Variants in CPLANE1 observed in about 807,000 individuals in gnomAD.
CPLANE1 encodes ciliogenesis and planar polarity effector complex subunit 1, also known as ciliogenesis and planar polarity effector 1.
A neutral mutation model predicts 362.5 loss-of-function variants in CPLANE1; 263 were observed. That is an observed-to-expected ratio of 0.73 (90% CI 0.66 to 0.80). The LOEUF is 0.80. Among genes scored for constraint, CPLANE1 ranks in the 30% least tolerant of loss-of-function variants. The probability of loss-of-function intolerance (pLI) is 0.00; values close to 1 mark genes in which losing one functional copy is unlikely to be tolerated. For missense variants in CPLANE1, 3,461 were observed against 3,793.4 expected (o/e 0.91, Z 2.30); for synonymous variants, 1,212 against 1,302.6 (o/e 0.93, Z 1.50).
chr5:37,185,286 A>C (rs1236198427), intron 24 of CPLANE1, among the ~76,000 whole-genome samples: 2 of 152,206 alleles, frequency 1.3e-5, no homozygotes, highest in African/African-American at 2.4e-5. Context: ...AGGTCCATTA[A>C]AGAACACAGT....
intron 41 of CPLANE1, among the ~76,000 whole-genome samples, chr5:37,155,906 T>G (rs140765500): frequency 6.6e-6 from 1 of 152,326 alleles, no homozygotes; most frequent in Non-Finnish European, 1.5e-5. Flanking sequence ...CCTTTCACTT[T>G]CCCACATACT....
chr5:37,106,702 G>A lies in CPLANE1; in HGVS notation c.*900C>T, dbSNP rs74867678. The A allele has an allele frequency of 9.3e-4, 356 of 382,662 alleles. No homozygotes were observed. The highest frequency in any genetic ancestry group is 7.4e-3 in the African/African-American group (337 of 45,764). 23.7% of individuals were successfully genotyped at this position (382,662 alleles called of 1,614,324 possible). ...CCATACCTGCTTCTGCATTCAACTT[G>A]CTGCAATACATGTTGTAAAACCTGG... On this transcript the variant is annotated 3_prime_UTR_variant, in exon 53 of 53. Transcript: ENST00000651892.
At chr5:37,116,976 C>T (rs1761199667) in intron 50 of CPLANE1, among the ~76,000 whole-genome samples, 1 of 152,114 alleles carries the variant, frequency 6.6e-6, no homozygotes, top group Admixed American at 6.6e-5. Flanking sequence ...ACAGAGGCCA[C>T]AAGAACAAGG....
the CPLANE1 span, among the ~76,000 whole-genome samples, chr5:37,089,761 T>G: frequency 6.6e-6 from 1 of 152,184 alleles, no homozygotes. Context: ...AGAGAAAAAT[T>G]CATTTACAAT....
intron 46 of CPLANE1, chr5:37,138,492 T>C (rs1485939634): frequency 3.1e-6 from 2 of 652,100 alleles, no homozygotes; most frequent in Admixed American, 1.8e-5. Context: ...ATTAAATGTA[T>C]GTTGTACTTA....
At chr5:37,111,506 T>C (rs759632833) in intron 51 of CPLANE1, among the ~76,000 whole-genome samples, 1 of 152,174 alleles carries the variant, frequency 6.6e-6, no homozygotes, top group African/African-American at 2.4e-5. Context: ...AAAATATGAA[T>C]AGATCTATTA....
chr5:37,204,449 CCATGTAATA>C (rs1489296313), intron 18 of CPLANE1, among the ~76,000 whole-genome samples: 1 of 152,060 alleles, frequency 6.6e-6, no homozygotes, highest in African/African-American at 2.4e-5. Context: ...CTGTGTGAAT[CCATGTAATA>C]CATGTAATAT....
rs141064546 is a variant in CPLANE1 at position 37,186,920 on chromosome 5, G to A, written c.4080+494C>T. On this transcript the variant is annotated intron_variant, in intron 23 of 52. Coordinates refer to ENST00000651892, the MANE Select transcript of CPLANE1 (RefSeq NM_001384732.1). ...TAAAAAAATACAAAAAATTAGCCGG[G>A]CGTGTTGGCGGGAGCCTGTGGTCCC... Among the ~76,000 whole-genome samples the A allele has an allele frequency of 3.3e-5, 5 of 151,900 alleles. No homozygotes were observed. The South Asian group carries it at 1.0e-3, about 32-fold the overall frequency.
Position 37,169,983 on chromosome 5 carries a change from G to C in CPLANE1, c.6462+58C>G, listed in dbSNP as rs1216663661. 4.6e-6 allele frequency: 7 copies of C among 1,537,640 alleles called. No homozygotes were observed. In the African/African-American group the frequency reaches 9.6e-5, roughly 21 times the overall value. ...CTCAGGTGTGGCCTGCCAAAGTGCTGGGATTACAGACATGAGCCACCGCGC... is the reference window on the plus strand; with the variant it reads ...CTCAGGTGTGGCCTGCCAAAGTGCTCGGATTACAGACATGAGCCACCGCGC... On this transcript the variant is annotated intron_variant, in intron 33 of 52. Transcript: ENST00000651892.
At chr5:37,105,913 C>T (rs1381457798), downstream of CPLANE1, among the ~76,000 whole-genome samples, 2 of 151,982 alleles carry the variant, frequency 1.3e-5, no homozygotes, top group African/African-American at 4.8e-5. Flanking sequence ...TGAAAAAATG[C>T]TCAATATTAC....
intron 44 of CPLANE1, chr5:37,139,868 T>C (rs1769132432): frequency 1.0e-6 from 1 of 985,644 alleles, no homozygotes; most frequent in Non-Finnish European, 1.2e-6. Context: ...ATTATTACTT[T>C]TTCTATCCTG....
At chr5:37,158,010 C>T in intron 39 of CPLANE1, 142 bp from the exon 40 acceptor site, 1 of 762,092 alleles carries the variant, frequency 1.3e-6, no homozygotes, top group Non-Finnish European at 2.0e-6. Context: ...CCTGAATGTG[C>T]CTAACTTAGG....
At chr5:37,205,193 C>T (rs1199254304) in intron 18 of CPLANE1, 122 bp downstream of exon 18, 2 of 621,238 alleles carry the variant, frequency 3.2e-6, no homozygotes, top group African/African-American at 1.9e-5. Flanking sequence ...AAATATCATA[C>T]TTTCATTTTT....
intron 16 of CPLANE1, chr5:37,211,031 A>G (rs976249602): frequency 6.2e-6 from 5 of 803,880 alleles, no homozygotes; most frequent in Non-Finnish European, 1.1e-5. Flanking sequence ...TAGAGAATGA[A>G]GTGTACTGCA....
chr5:37,108,057 C>G (rs1016621910), intron 52 of CPLANE1, among the ~76,000 whole-genome samples: 3 of 152,312 alleles, frequency 2.0e-5, no homozygotes, highest in Non-Finnish European at 4.4e-5. Context: ...TATGTTCTTA[C>G]ATTTTGGTCA....
rs1795326775 is a variant in CPLANE1, at chr5:37,221,397, T to A, written c.2673A>T (p.Gly891=). 1 of 1,538,246 alleles carries A rather than the reference T, an allele frequency of 6.5e-7. No individual in the cohort carries two copies. Among genetic ancestry groups the A allele is most frequent in the Non-Finnish European group, 8.8e-7 (1 of 1,141,012 alleles). ...LYSYNLNDAQ[G]LCDQLAREIL... ...TTTCTCTTGCTAGCTGATCACACAATCCTTGAGCATCATTTAAATTATAGC... is the reference window on the plus strand; with the variant it reads ...TTTCTCTTGCTAGCTGATCACACAAACCTTGAGCATCATTTAAATTATAGC... The change falls in exon 15 of 53, where the codon GGA becomes GGT. Residue 891 remains glycine (G), a synonymous_variant. Coordinates refer to ENST00000651892, the MANE Select transcript of CPLANE1 (RefSeq NM_001384732.1).
the CPLANE1 span, among the ~76,000 whole-genome samples, chr5:37,091,909 G>A: frequency 2.6e-5 from 4 of 152,270 alleles, no homozygotes; most frequent in South Asian, 2.1e-4. Flanking sequence ...CACAAGCCCC[G>A]GACGTCACCT....
intron 18 of CPLANE1, among the ~76,000 whole-genome samples, chr5:37,203,866 A>G (rs1789943570): frequency 6.6e-6 from 1 of 152,102 alleles, no homozygotes; most frequent in Non-Finnish European, 1.5e-5. Flanking sequence ...GCCTGTTTCT[A>G]TTTCTCTTTA....
chr5:37,223,952 AAGG>A (rs1206993168), intron 14 of CPLANE1, among the ~76,000 whole-genome samples: 1 of 152,200 alleles, frequency 6.6e-6, no homozygotes, highest in African/African-American at 2.4e-5. Context: ...GAAAGGACAG[AAGG>A]AGACTTATCT....
Sources: gnomAD v4.1 joint callset for allele counts (sites outside exome capture counted in the v4.1 genomes callset) on GRCh38, gnomAD v4.1.1 for gene constraint, MANE v1.5 for transcripts, NCBI Gene and HGNC (gene_info 2026-07-23, HGNC 2026-07-21) for gene names.